Variants in PTPRM observed in about 807,000 individuals in gnomAD.
PTPRM encodes the protein protein tyrosine phosphatase receptor type M, also known as receptor-type tyrosine-protein phosphatase mu.
Under a neutral mutation model 186.7 loss-of-function variants are expected in PTPRM, and 47 were observed. That is an observed-to-expected ratio of 0.25 (90% CI 0.20 to 0.32). PTPRM has a LOEUF of 0.32. PTPRM is among the 10% of genes least tolerant of loss of function. The pLI, the probability that PTPRM is intolerant of heterozygous loss-of-function variation, is 1.00. For synonymous variants in PTPRM, 668 were observed against 674.9 expected (o/e 0.99, Z 0.16); for missense variants, 1,494 against 1,865.0 (o/e 0.80, Z 3.66).
intron 14 of PTPRM, among the ~76,000 whole-genome samples, chr18:8,171,022 A>G (rs1197465650): frequency 1.3e-5 from 2 of 152,202 alleles, no homozygotes; most frequent in South Asian, 4.1e-4. Flanking sequence ...AATGTTCTTC[A>G]GTCATTTTGC....
chr18:7,676,694 T>TGCACGC lies in PTPRM; in HGVS notation c.74-97445_74-97440dup, dbSNP rs1466442178. Among the ~76,000 whole-genome samples the TGCACGC allele has an allele frequency of 2.1e-5, 3 of 143,190 alleles. No individual in the cohort carries two copies. In the South Asian group the frequency reaches 7.2e-4, roughly 34 times the overall value. 93.9% of individuals were successfully genotyped at this position (143,190 alleles called of 152,430 possible). A position where few individuals can be genotyped will look rare whatever the true frequency, so the allele number is the denominator to read the frequency against. ...GTGTGTGTGTGTGTGTGTGTGCGCG[T>TGCACGC]GCACGCGCACGCGCATGGATTAGGT... On this transcript the variant is annotated intron_variant, in intron 1 of 32. Coordinates refer to ENST00000580170, the MANE Select transcript of PTPRM (RefSeq NM_001105244.2).
intron 7 of PTPRM, among the ~76,000 whole-genome samples, chr18:8,027,615 T>C (rs1390675305): frequency 6.6e-6 from 1 of 152,150 alleles, no homozygotes; most frequent in Non-Finnish European, 1.5e-5. Context: ...TAAAGAGACT[T>C]CCCACGTGGC....
Position 8,400,498 on chromosome 18 carries a change from C to T in PTPRM, c.4345-5611C>T, listed in dbSNP as rs985137029. 2.6e-5 allele frequency among the ~76,000 whole-genome samples: 4 copies of T among 152,216 alleles called. No homozygotes were observed. The East Asian group carries it at 7.7e-4, about 29-fold the overall frequency. On this transcript the variant is annotated intron_variant, in intron 32 of 32. Coordinates refer to ENST00000580170, the MANE Select transcript of PTPRM (RefSeq NM_001105244.2). ...GCCAGAGGCTCTGAGATGGAGCCCC[C>T]GCCAGGTAGGATAGACGTGCCACAC... is the stretch of plus-strand genomic sequence containing the variant.
Position 8,252,491 on chromosome 18 carries a change from C to T in PTPRM, c.2558C>T (p.Pro853Leu), listed in dbSNP as rs752953737. Reference sequence around the variant, plus strand: ...CTGATATGTATCTTCTTAAAAGTGCCAATAAATGGTAAGTTCCCCGATTCG... The same window carrying T: ...CTGATATGTATCTTCTTAAAAGTGCTAATAAATGGTAAGTTCCCCGATTCG... ...DPFVPTAILV[P>L]INDETHTMAS... is the part of the protein sequence containing the mutation. The change falls in exon 18 of 33, where the codon CCA becomes CTA. Residue 853 changes from proline to leucine, a missense_variant. Physicochemically the swap from Pro to Leu is moderately conservative, Grantham distance 98 (BLOSUM62 -3). Transcript: ENST00000580170. 3 of 1,547,906 alleles carry T rather than the reference C, an allele frequency of 1.9e-6. No homozygotes were observed. Among genetic ancestry groups the T allele is most frequent in the Admixed American group, 1.7e-5 (1 of 59,888 alleles).
chr18:7,708,362 A>G (rs1026424850), intron 1 of PTPRM, among the ~76,000 whole-genome samples: 4 of 152,228 alleles, frequency 2.6e-5, no homozygotes, highest in African/African-American at 9.6e-5. Context: ...CTTTTCTAAA[A>G]AGACTGAAAA....
intron 1 of PTPRM, among the ~76,000 whole-genome samples, chr18:7,594,623 A>G (rs79372905): frequency 0.044 from 6,629 of 152,282 alleles, 182 homozygotes; most frequent in South Asian, 0.12. Flanking sequence ...AAATGCAGAA[A>G]GCCTTTGTCT....
At chr18:7,718,302 A>G (rs1420605051) in intron 1 of PTPRM, among the ~76,000 whole-genome samples, 1 of 152,132 alleles carries the variant, frequency 6.6e-6, no homozygotes, top group Non-Finnish European at 1.5e-5. Flanking sequence ...ATAAATACAT[A>G]AAGTGGGGGA....
At chr18:7,615,935 C>G (rs2037792335) in intron 1 of PTPRM, among the ~76,000 whole-genome samples, 1 of 152,088 alleles carries the variant, frequency 6.6e-6, no homozygotes, top group South Asian at 2.1e-4. Flanking sequence ...CAACCTAGAT[C>G]CCCCGCATAC....
intron 19 of PTPRM, among the ~76,000 whole-genome samples, chr18:8,284,798 G>A (rs933113426): frequency 1.8e-4 from 28 of 151,822 alleles, no homozygotes; most frequent in African/African-American, 6.8e-4. Context: ...GGATAACAAG[G>A]GCAGCTCTCT....
intron 4 of PTPRM, 85 bp from the exon 5 acceptor site, chr18:7,926,483 C>CCAAAAATTT (rs2051179170): frequency 1.0e-6 from 1 of 995,098 alleles, no homozygotes; most frequent in Non-Finnish European, 1.4e-6. Context: ...AATTGAAAGG[C>CCAAAAATTT]CAAAAATTTC....
At chr18:7,934,596 G>T (rs1457525219) in intron 5 of PTPRM, among the ~76,000 whole-genome samples, 1 of 152,200 alleles carries the variant, frequency 6.6e-6, no homozygotes, top group Non-Finnish European at 1.5e-5. Flanking sequence ...ACTGACTTCA[G>T]CAGGTGTGTT....
chr18:7,966,674 C>G (rs1030518364), intron 7 of PTPRM, among the ~76,000 whole-genome samples: 9 of 147,950 alleles, frequency 6.1e-5, no homozygotes, highest in Non-Finnish European at 1.4e-4. Flanking sequence ...GTTCCCTTTC[C>G]GAGTCAAAGA....
chr18:8,377,164 C>A (rs1355961330), intron 26 of PTPRM: 1 of 152,502 alleles, frequency 6.6e-6, no homozygotes, highest in Non-Finnish European at 1.5e-5. Flanking sequence ...ATGTTACATC[C>A]TGCTCTTAGG....
chr18:8,116,098 C>T (rs1490928846), intron 13 of PTPRM, among the ~76,000 whole-genome samples: 1 of 152,150 alleles, frequency 6.6e-6, no homozygotes, highest in East Asian at 1.9e-4. Context: ...TCATAAACTG[C>T]CGTATGCTAT....
intron 4 of PTPRM, among the ~76,000 whole-genome samples, chr18:7,924,028 G>T (rs1228509073): frequency 1.3e-5 from 2 of 152,210 alleles, no homozygotes; most frequent in Non-Finnish European, 2.9e-5. Context: ...GAAACAAAAA[G>T]AAACCAAAGA....
chr18:7,906,523 A>G lies in PTPRM; in HGVS notation c.487A>G (p.Thr163Ala), dbSNP rs1267619533. ...TTTCCAGGTGATTTTTGAAGTGATA[A>G]CTTCTGGACATCAAGGCTATCTCGC... ...NFYQVIFEVI[T>A]SGHQGYLAID... The change falls in exon 4 of 33, where the codon ACT becomes GCT. Residue 163 changes from threonine (T) to alanine (A), a missense_variant. Thr to Ala is a moderately conservative substitution (Grantham distance 58). Transcript: ENST00000580170. 1 of 1,612,812 alleles carries G rather than the reference A, an allele frequency of 6.2e-7. No homozygotes were observed. Among genetic ancestry groups the G allele is most frequent in the Non-Finnish European group, 8.5e-7 (1 of 1,178,912 alleles).
At chr18:7,941,395 T>C (rs1040102816) in intron 5 of PTPRM, among the ~76,000 whole-genome samples, 2 of 152,226 alleles carry the variant, frequency 1.3e-5, no homozygotes, top group Admixed American at 6.5e-5. Context: ...TGCTCCACAA[T>C]TGTTATGTAT....
chr18:7,930,008 A>C (rs2051386112), intron 5 of PTPRM, among the ~76,000 whole-genome samples: 1 of 152,198 alleles, frequency 6.6e-6, no homozygotes, highest in African/African-American at 2.4e-5. Flanking sequence ...AGAGTGAGTC[A>C]ATATTTAGAA....
At chr18:7,663,850 T>C (rs1261686855) in intron 1 of PTPRM, among the ~76,000 whole-genome samples, 2 of 152,190 alleles carry the variant, frequency 1.3e-5, no homozygotes, top group Admixed American at 6.5e-5. Flanking sequence ...CTGGGGGTCC[T>C]GCCTCAGTGC....
Sources: allele counts gnomAD v4.1 joint callset (sites outside exome capture counted in the v4.1 genomes callset), GRCh38; gene constraint gnomAD v4.1.1; transcripts MANE v1.5; gene names NCBI Gene and HGNC (gene_info 2026-07-23, HGNC 2026-07-21).